The following ABL2 variants were observed in gnomAD, a reference collection of about 807,000 sequenced individuals.
ABL2 encodes the protein tyrosine-protein kinase ABL2.
In ABL2, 49 loss-of-function variants were observed where a neutral mutation model predicts 107.7. The ratio of observed to expected loss-of-function variants is 0.45; its 90% CI spans 0.36 to 0.58. The LOEUF is 0.58. Ranked by LOEUF, ABL2 falls within the 20% of genes least tolerant of loss-of-function variation. The probability of loss-of-function intolerance (pLI) is 0.00; values close to 1 mark genes in which losing one functional copy is unlikely to be tolerated. For synonymous variants in ABL2, 549 were observed against 548.6 expected, an observed-to-expected ratio of 1.00 and a Z score of -0.01; for missense variants, 1,245 against 1,457.0, an observed-to-expected ratio of 0.85 and a Z score of 2.37.
chr1:179,193,555 C>T (rs188813605), intron 1 of ABL2, among the ~76,000 whole-genome samples: 1 of 152,064 alleles, frequency 6.6e-6, no homozygotes, highest in African/African-American at 2.4e-5. Flanking sequence ...CAAGCGCCTG[C>T]GACCACGCCC....
At chr1:179,224,255 T>C (rs538796172) in intron 1 of ABL2, among the ~76,000 whole-genome samples, 1 of 151,508 alleles carries the variant, frequency 6.6e-6, no homozygotes, top group Non-Finnish European at 1.5e-5. Flanking sequence ...AACTTCATAA[T>C]GTAAGGGTTT....
At chr1:179,170,664 A>G (rs1659666595) in intron 1 of ABL2, among the ~76,000 whole-genome samples, 1 of 152,266 alleles carries the variant, frequency 6.6e-6, no homozygotes, top group Non-Finnish European at 1.5e-5. Flanking sequence ...GCACGATCTC[A>G]GGTCACCGCA....
intron 1 of ABL2, among the ~76,000 whole-genome samples, chr1:179,218,733 C>A (rs923971013): frequency 2.0e-5 from 3 of 152,166 alleles, no homozygotes; most frequent in Non-Finnish European, 4.4e-5. Flanking sequence ...GCAGGAGATT[C>A]TCAAAGCATG....
chr1:179,183,403 T>C (rs1241797949), intron 1 of ABL2, among the ~76,000 whole-genome samples: 1 of 152,154 alleles, frequency 6.6e-6, no homozygotes, highest in Non-Finnish European at 1.5e-5. Flanking sequence ...TAGATAAATA[T>C]GTATCCCTAG....
At chr1:179,163,037 T>C (rs1018824851) in intron 1 of ABL2, among the ~76,000 whole-genome samples, 2 of 152,058 alleles carry the variant, frequency 1.3e-5, no homozygotes, top group East Asian at 1.9e-4. Flanking sequence ...CAAGCAAAAA[T>C]GAGTTGAGGC....
intron 7 of ABL2, 62 bp from the exon 8 acceptor site, chr1:179,117,578 C>A: frequency 1.3e-6 from 2 of 1,563,294 alleles, no homozygotes; most frequent in Non-Finnish European, 1.7e-6. Context: ...GTCATGAACA[C>A]TCTATTCTTG....
Position 179,107,591 on chromosome 1 carries a change from T to C in ABL2, c.*127A>G, listed in dbSNP as rs1207243189. The C allele has an allele frequency of 4.1e-5, 60 of 1,480,428 alleles. No individual in the cohort carries two copies. Among genetic ancestry groups the C allele is most frequent in the Non-Finnish European group, 1.8e-6 (2 of 1,116,938 alleles). 91.7% of individuals were successfully genotyped at this position (1,480,428 alleles called of 1,614,324 possible). ...CTGTAAACGTGAGAACTCAGGGATC[T>C]GAGGTACTTCACATAAACACACTCA... On this transcript the variant is annotated 3_prime_UTR_variant, in exon 12 of 12. Coordinates refer to ENST00000502732, the MANE Select transcript of ABL2 (RefSeq NM_007314.4).
At chr1:179,199,617 C>T (rs866646258) in intron 1 of ABL2, among the ~76,000 whole-genome samples, 1 of 152,004 alleles carries the variant, frequency 6.6e-6, no homozygotes, top group African/African-American at 2.4e-5. Context: ...CTCAAACCAC[C>T]CTATGCAGCA....
At chr1:179,163,563 A>G (rs1312623524) in intron 1 of ABL2, among the ~76,000 whole-genome samples, 2 of 152,158 alleles carry the variant, frequency 1.3e-5, no homozygotes, top group Non-Finnish European at 1.5e-5. Context: ...CCTGGCTAAC[A>G]TGGTGAAACC....
intron 1 of ABL2, among the ~76,000 whole-genome samples, chr1:179,182,884 TGGAATATTTTAGGATACTA>T (rs1380404745): frequency 3.9e-5 from 6 of 152,342 alleles, no homozygotes; most frequent in East Asian, 1.9e-4. Flanking sequence ...ATCTGATTTA[TGGAATATTTTAGGATACTA>T]GGAATATTTT....
chr1:179,173,572 G>A (rs1414597407), intron 1 of ABL2, among the ~76,000 whole-genome samples: 4 of 151,814 alleles, frequency 2.6e-5, no homozygotes, highest in Non-Finnish European at 4.4e-5. Context: ...GGATAGTCTC[G>A]ATCTCCTGAC....
intron 10 of ABL2, 65 bp downstream of exon 10, chr1:179,112,243 AC>A (rs1654158168): frequency 7.3e-7 from 1 of 1,375,100 alleles, no homozygotes; most frequent in Non-Finnish European, 1.0e-6. Flanking sequence ...AAATGTAATT[AC>A]CATTATCACC....
chr1:179,125,350 A>T (rs1655635244), intron 4 of ABL2, among the ~76,000 whole-genome samples: 1 of 152,254 alleles, frequency 6.6e-6, no homozygotes, highest in Admixed American at 6.5e-5. Context: ...ACCACAATTT[A>T]TTAATCCATT....
chr1:179,163,433 A>T (rs1659193681), intron 1 of ABL2, among the ~76,000 whole-genome samples: 1 of 152,224 alleles, frequency 6.6e-6, no homozygotes, highest in African/African-American at 2.4e-5. Flanking sequence ...ACAAATGTTT[A>T]TGGCAGCTCT....
At chr1:179,129,677 G>A (rs1425059101) in intron 3 of ABL2, among the ~76,000 whole-genome samples, 1 of 137,904 alleles carries the variant, frequency 7.3e-6, no homozygotes, top group Non-Finnish European at 1.5e-5. Flanking sequence ...GCGAGACTCT[G>A]TCTCAAAAAA....
chr1:179,183,290 A>G (rs968041226), intron 1 of ABL2, among the ~76,000 whole-genome samples: 2 of 152,168 alleles, frequency 1.3e-5, no homozygotes, highest in African/African-American at 4.8e-5. Context: ...TATTCAGGTG[A>G]TGGTTCCACT....
At chr1:179,152,650 A>G (rs1472000760) in intron 1 of ABL2, among the ~76,000 whole-genome samples, 4 of 152,264 alleles carry the variant, frequency 2.6e-5, no homozygotes, top group African/African-American at 9.6e-5. Flanking sequence ...AAAAGAATTC[A>G]GACTTATCAC....
chr1:179,185,238 T>G (rs564873606), intron 1 of ABL2, among the ~76,000 whole-genome samples: 1 of 152,332 alleles, frequency 6.6e-6, no homozygotes, highest in East Asian at 1.9e-4. Flanking sequence ...TTGGATGGGT[T>G]AAGCGGGCAT....
At chr1:179,205,624 G>A (rs768819753) in intron 1 of ABL2, among the ~76,000 whole-genome samples, 8 of 152,140 alleles carry the variant, frequency 5.3e-5, no homozygotes, top group Non-Finnish European at 7.3e-5. Flanking sequence ...CCTTTGGGGG[G>A]TCTGAGGGGG....
Sources: gnomAD v4.1 joint callset for allele counts (sites outside exome capture counted in the v4.1 genomes callset) on GRCh38, gnomAD v4.1.1 for gene constraint, MANE v1.5 for transcripts, NCBI Gene and HGNC (gene_info 2026-07-23, HGNC 2026-07-21) for gene names.